PTPRD: variants seen among roughly 807,000 people sequenced by gnomAD.
The protein encoded by PTPRD is receptor-type tyrosine-protein phosphatase delta.
PTPRD carries 34 observed loss-of-function variants against 214.5 expected under a neutral mutation model. The ratio of observed to expected loss-of-function variants is 0.16; its 90% CI spans 0.12 to 0.21. The LOEUF (loss-of-function observed/expected upper bound fraction) is 0.21. Ranked by LOEUF, PTPRD falls within the 10% of genes least tolerant of loss-of-function variation. PTPRD has a pLI of 1.00. For missense variants in PTPRD, 2,545 were observed against 2,398.7 expected (o/e 1.06, Z -1.27); for synonymous variants, 1,128 against 845.7 (o/e 1.33, Z -5.79).
intron 8 of PTPRD, among the ~76,000 whole-genome samples, chr9:9,423,028 G>GCTGA: frequency 6.6e-6 from 1 of 152,214 alleles, no homozygotes; most frequent in African/African-American, 2.4e-5. Context: ...CCAGAACAAA[G>GCTGA]CTGAGTCTAG....
intron 8 of PTPRD, among the ~76,000 whole-genome samples, chr9:9,451,962 T>C (rs1227105539): frequency 1.3e-5 from 2 of 151,488 alleles, no homozygotes; most frequent in African/African-American, 4.8e-5. Context: ...TTTGAATTTC[T>C]AGAAAGAGAT....
chr9:10,072,471 C>T (rs1174193099), intron 3 of PTPRD, among the ~76,000 whole-genome samples: 5 of 152,010 alleles, frequency 3.3e-5, no homozygotes, highest in Non-Finnish European at 7.4e-5. Context: ...GAGAGAGCAG[C>T]AACAAGATTT....
intron 14 of PTPRD, among the ~76,000 whole-genome samples, chr9:8,559,142 G>GA (rs935742679): frequency 7.2e-5 from 11 of 152,128 alleles, no homozygotes; most frequent in South Asian, 6.2e-4. Context: ...AATTAATGCA[G>GA]AAAAAATCAA....
At chr9:9,748,953 AG>A (rs1169081686) in intron 6 of PTPRD, among the ~76,000 whole-genome samples, 2 of 152,156 alleles carry the variant, frequency 1.3e-5, no homozygotes, top group Admixed American at 6.5e-5. Context: ...TGATAATTTG[AG>A]GTGGGAAAAA....
chr9:9,849,654 T>C (rs2060176975), intron 5 of PTPRD, among the ~76,000 whole-genome samples: 1 of 142,566 alleles, frequency 7.0e-6, no homozygotes, highest in African/African-American at 3.1e-5. Context: ...GCTAAGCTCT[T>C]GACTGGCATT....
At chr9:10,502,210 G>C (rs2043995670) in intron 2 of PTPRD, among the ~76,000 whole-genome samples, 1 of 151,580 alleles carries the variant, frequency 6.6e-6, no homozygotes, top group African/African-American at 2.4e-5. Flanking sequence ...CTATTAAAAA[G>C]ATGAAGAAGA....
intron 12 of PTPRD, among the ~76,000 whole-genome samples, chr9:8,704,788 G>A (rs927214072): frequency 6.6e-6 from 1 of 151,724 alleles, no homozygotes; most frequent in Non-Finnish European, 1.5e-5. Flanking sequence ...GGGTGTGGTG[G>A]TGTGTGCACC....
At chr9:10,166,634 C>T (rs2099160918) in intron 3 of PTPRD, among the ~76,000 whole-genome samples, 1 of 152,006 alleles carries the variant, frequency 6.6e-6, no homozygotes, top group Admixed American at 6.6e-5. Context: ...ATAAACTCTG[C>T]TGTGAGTTCA....
chr9:8,898,180 T>C (rs926704754), intron 11 of PTPRD, among the ~76,000 whole-genome samples: 1 of 152,188 alleles, frequency 6.6e-6, no homozygotes, highest in Non-Finnish European at 1.5e-5. Context: ...TGTAGGACAT[T>C]ATCCATTTTT....
At chr9:10,055,884 T>C (rs1208589936) in intron 3 of PTPRD, among the ~76,000 whole-genome samples, 1 of 151,650 alleles carries the variant, frequency 6.6e-6, no homozygotes, top group South Asian at 2.1e-4. Flanking sequence ...TATATATAAA[T>C]GTATAATGTA....
At chr9:10,231,093 A>T (rs1488402203) in intron 3 of PTPRD, among the ~76,000 whole-genome samples, 1 of 152,014 alleles carries the variant, frequency 6.6e-6, no homozygotes, top group African/African-American at 2.4e-5. Flanking sequence ...AAAAGCTTCA[A>T]AAGCCAAATC....
chr9:10,415,349 T>C (rs1213500222), intron 2 of PTPRD, among the ~76,000 whole-genome samples: 1 of 151,850 alleles, frequency 6.6e-6, no homozygotes, highest in African/African-American at 2.4e-5. Flanking sequence ...ATATTTCTGG[T>C]AAAATTTTTG....
At chr9:8,373,612 GGTGTGTGTGTGTGTGTGT>G (rs36212158) in intron 39 of PTPRD, among the ~76,000 whole-genome samples, 78 of 141,558 alleles carry the variant, frequency 5.5e-4, no homozygotes, top group East Asian at 3.7e-3. Context: ...CATGGATGCG[GGTGTGTGTGTGTGTGTGT>G]GTGTGTGTGT....
intron 9 of PTPRD, among the ~76,000 whole-genome samples, chr9:9,366,969 A>C (rs1299781220): frequency 2.6e-5 from 4 of 151,480 alleles, no homozygotes; most frequent in African/African-American, 7.3e-5. Context: ...AAAAATTACA[A>C]AATGTCCTGC....
At chr9:10,110,466 C>T (rs962617164) in intron 3 of PTPRD, among the ~76,000 whole-genome samples, 1 of 152,128 alleles carries the variant, frequency 6.6e-6, no homozygotes, top group African/African-American at 2.4e-5. Context: ...AGCTGCCTTC[C>T]TCTCCCAACA....
intron 5 of PTPRD, among the ~76,000 whole-genome samples, chr9:9,790,083 T>C (rs1003036597): frequency 1.4e-4 from 21 of 152,274 alleles, no homozygotes; most frequent in African/African-American, 4.8e-4. Context: ...CCCAATTTCC[T>C]CTAATTTTAA....
At chr9:10,310,254 A>G (rs548935772) in intron 3 of PTPRD, among the ~76,000 whole-genome samples, 122 of 152,230 alleles carry the variant, frequency 8.0e-4, no homozygotes, top group African/African-American at 2.8e-3. Flanking sequence ...AGCATTTAAG[A>G]GAAAAGCCAG....
chr9:9,649,970 A>G (rs1409168029), intron 7 of PTPRD, among the ~76,000 whole-genome samples: 1 of 152,148 alleles, frequency 6.6e-6, no homozygotes, highest in African/African-American at 2.4e-5. Flanking sequence ...ACGGAGGGAG[A>G]ATTGAAAATG....
chr9:8,356,076 A>G (rs1397186120), intron 39 of PTPRD, among the ~76,000 whole-genome samples: 1 of 152,190 alleles, frequency 6.6e-6, no homozygotes. Flanking sequence ...AGAGACCGCA[A>G]AGGGCTGCTT....
Sources: gnomAD v4.1 joint callset for allele counts (sites outside exome capture counted in the v4.1 genomes callset) on GRCh38, gnomAD v4.1.1 for gene constraint, MANE v1.5 for transcripts, NCBI Gene and HGNC (gene_info 2026-07-23, HGNC 2026-07-21) for gene names.